RHOBTB2: variants seen among roughly 807,000 people sequenced by gnomAD.
RHOBTB2 encodes Rho related BTB domain containing 2, also known as rho-related BTB domain-containing protein 2.
A neutral mutation model predicts 66.5 loss-of-function variants in RHOBTB2; 39 were observed. The observed-to-expected ratio is 0.59, with a 90% CI of 0.45 to 0.77. The LOEUF (loss-of-function observed/expected upper bound fraction) is 0.77. RHOBTB2 is among the 30% of genes least tolerant of loss of function. The pLI is 0.00. For synonymous variants in RHOBTB2, 390 were observed against 395.0 expected (o/e 0.99, Z 0.15); for missense variants, 755 against 999.1 (o/e 0.76, Z 3.29).
upstream of RHOBTB2, among the ~76,000 whole-genome samples, chr8:22,998,578 A>G (rs574376077): frequency 3.3e-5 from 5 of 152,220 alleles, no homozygotes; most frequent in African/African-American, 1.2e-4. Context: ...TACCAAAAAT[A>G]CATAAATTAG....
chr8:22,998,948 A>C (rs1264974507), upstream of RHOBTB2: 1 of 152,232 alleles, frequency 6.6e-6, no homozygotes, highest in Non-Finnish European at 1.5e-5. Flanking sequence ...ACTGAACTCC[A>C]GGAGGCAACA....
chr8:22,988,832 C>T (rs1337198222), intron 1 of RHOBTB2, among the ~76,000 whole-genome samples: 2 of 152,214 alleles, frequency 1.3e-5, no homozygotes. Context: ...GCTATGATAA[C>T]TCAGACAAGG....
At chr8:22,987,507 C>G (rs536367515) in exon 1 of RHOBTB2, 1 of 152,432 alleles carries the variant, frequency 6.6e-6, no homozygotes, top group African/African-American at 2.4e-5. Flanking sequence ...GTCGAGAACA[C>G]TACTTCAGGA....
the RHOBTB2 span, among the ~76,000 whole-genome samples, chr8:22,968,868 AG>A: frequency 5.9e-5 from 9 of 151,638 alleles, no homozygotes; most frequent in African/African-American, 2.2e-4. Flanking sequence ...GATATTGGAG[AG>A]GGAAAGGCCT....
chr8:23,016,765 C>A (rs1288039610), intron 9 of RHOBTB2, among the ~76,000 whole-genome samples: 2 of 152,174 alleles, frequency 1.3e-5, no homozygotes, highest in African/African-American at 4.8e-5. Flanking sequence ...TGCTTCCAGA[C>A]CTTCCACTGA....
chr8:22,985,314 T>G (rs1475244335), upstream of RHOBTB2, among the ~76,000 whole-genome samples: 1 of 152,246 alleles, frequency 6.6e-6, no homozygotes, highest in Non-Finnish European at 1.5e-5. Flanking sequence ...AGGGAGGCAC[T>G]GCGTCACAGG....
At chr8:22,963,017 C>T in the RHOBTB2 span, among the ~76,000 whole-genome samples, 2 of 152,202 alleles carry the variant, frequency 1.3e-5, no homozygotes, top group Admixed American at 1.3e-4. Context: ...TCGAAGGGTC[C>T]TGTTATCAGG....
chr8:23,009,485 C>T (rs970768904), intron 6 of RHOBTB2, among the ~76,000 whole-genome samples: 12 of 152,108 alleles, frequency 7.9e-5, no homozygotes, highest in Admixed American at 3.3e-4. Context: ...TAACGAGGTT[C>T]GACTTTGTGC....
the RHOBTB2 span, among the ~76,000 whole-genome samples, chr8:22,966,643 TG>T: frequency 6.6e-6 from 1 of 150,516 alleles, no homozygotes; most frequent in Non-Finnish European, 1.5e-5. Flanking sequence ...AGCGGGGTGG[TG>T]GGGGGAACAT....
intron 7 of RHOBTB2, among the ~76,000 whole-genome samples, chr8:23,012,919 TGA>T (rs1478240177): frequency 2.4e-4 from 37 of 152,326 alleles, no homozygotes; most frequent in Non-Finnish European, 3.5e-4. Context: ...TTCTCCTGCC[TGA>T]GCCTCCTGAG....
the RHOBTB2 span, among the ~76,000 whole-genome samples, chr8:22,969,400 A>G: frequency 6.6e-6 from 1 of 152,270 alleles, no homozygotes; most frequent in Non-Finnish European, 1.5e-5. Context: ...AGATGACAAA[A>G]TACTAATAAT....
chr8:22,961,725 C>T, the RHOBTB2 span, among the ~76,000 whole-genome samples: 1 of 152,126 alleles, frequency 6.6e-6, no homozygotes, highest in Non-Finnish European at 1.5e-5. Flanking sequence ...CTCAGCTTTG[C>T]ATCTATCTCT....
rs1259106419 is a variant in RHOBTB2 at position 23,014,715 on chromosome 8, G to A, written c.1797G>A (p.Met599Ile). The A allele has an allele frequency of 3.1e-6, 5 of 1,614,168 alleles. No homozygotes were observed. The highest frequency in any genetic ancestry group is 1.7e-5 in the Admixed American group (1 of 60,026). ...LTEQYTVTGL[M>I]EATQMMVDID... The stretch of plus-strand genomic sequence containing the variant: ...AGCAGTACACAGTGACCGGGCTGAT[G>A]GAAGCGACCCAGATGATGGTGGACA... Residue 599 changes from methionine to isoleucine, a missense_variant, in exon 8 of 10, where the codon ATG (methionine) becomes ATA (isoleucine). Around this residue, in one of 7 missense-constraint regions of RHOBTB2, gnomAD observed 353 missense variants for 458.2 expected, o/e 0.77. Transcript: ENST00000251822.
the RHOBTB2 span, among the ~76,000 whole-genome samples, chr8:22,963,858 C>G: frequency 6.6e-6 from 1 of 151,852 alleles, no homozygotes; most frequent in East Asian, 1.9e-4. Flanking sequence ...CTTGGCTCAC[C>G]ACAACCACCA....
At chr8:22,981,901 C>A in the RHOBTB2 span, among the ~76,000 whole-genome samples, 1 of 69,450 alleles carries the variant, frequency 1.4e-5, no homozygotes, top group South Asian at 3.2e-4. Context: ...CTGGGCGGTT[C>A]CATATCCGCC....
At chr8:22,985,620 C>T (rs967899889), upstream of RHOBTB2, among the ~76,000 whole-genome samples, 3 of 152,186 alleles carry the variant, frequency 2.0e-5, no homozygotes, top group Admixed American at 1.3e-4. Flanking sequence ...TTTATGCAGG[C>T]GCCCCACAAG....
chr8:22,985,454 C>T (rs991785072), upstream of RHOBTB2, among the ~76,000 whole-genome samples: 1 of 152,198 alleles, frequency 6.6e-6, no homozygotes, highest in Non-Finnish European at 1.5e-5. Context: ...CATTCCAATG[C>T]TTCAAAGGAG....
At chr8:22,983,459 T>G (rs1232674614), upstream of RHOBTB2, among the ~76,000 whole-genome samples, 1 of 148,228 alleles carries the variant, frequency 6.7e-6, no homozygotes, top group Non-Finnish European at 1.5e-5. Context: ...GAGGTATGGC[T>G]GGGCAACAAA....
upstream of RHOBTB2, among the ~76,000 whole-genome samples, chr8:22,986,744 A>G (rs183931955): frequency 1.3e-3 from 195 of 152,328 alleles, no homozygotes; most frequent in Non-Finnish European, 2.4e-3. Context: ...TATCAAACCT[A>G]TAGGACTCAC....
Sources: gnomAD v4.1 joint callset for allele counts (sites outside exome capture counted in the v4.1 genomes callset) on GRCh38, gnomAD v4.1.1 for gene constraint, gnomAD v4.1.1 regional missense constraint, MANE v1.5 for transcripts, NCBI Gene and HGNC (gene_info 2026-07-23, HGNC 2026-07-21) for gene names.